Variants in TENM1 observed in about 807,000 individuals in gnomAD.
TENM1 encodes teneurin-1.
Under a neutral mutation model 174.8 loss-of-function variants are expected in TENM1, and 35 were observed. The observed-to-expected ratio is 0.20, with a 90% confidence interval of 0.15 to 0.27. The LOEUF is 0.27. Among genes scored for constraint, TENM1 ranks in the 10% least tolerant of loss-of-function variants. TENM1 has a pLI of 1.00. For synonymous variants in TENM1, 781 were observed against 798.7 expected, an observed-to-expected ratio of 0.98 and a Z score of 0.37; for missense variants, 1,633 against 2,130.1, an observed-to-expected ratio of 0.77 and a Z score of 4.59.
intron 3 of TENM1, among the ~76,000 whole-genome samples, chrX:124,766,630 C>A (rs151145176): frequency 0.025 from 2,785 of 111,154 alleles, 26 homozygotes; most frequent in Middle Eastern, 0.061. Context: ...TGGTTTCTGG[C>A]AATCCTTGAG....
the TENM1 span, among the ~76,000 whole-genome samples, chrX:125,066,978 C>T: frequency 4.5e-5 from 5 of 111,224 alleles, no homozygotes; most frequent in South Asian, 3.8e-4. Context: ...AGTGTAAGAT[C>T]GAGCAGAAAA....
rs182815035 is a variant in TENM1, at chrX:124,887,272, T to C, written c.535+7024A>G. Among the ~76,000 whole-genome samples, 629 of 111,106 alleles carry C rather than the reference T, an allele frequency of 5.7e-3. 5 individuals carry two copies. Among genetic ancestry groups the C allele is most frequent in the Non-Finnish European group, 8.8e-3 (465 of 52,919 alleles). Reference sequence around the variant, plus strand: ...ATATAAACAGAATCCTATGCAGTCATTAAAAATGACGAGGCAGATTTGTAC... The same window carrying C: ...ATATAAACAGAATCCTATGCAGTCACTAAAAATGACGAGGCAGATTTGTAC... On this transcript the variant is annotated intron_variant, in intron 3 of 31. Coordinates refer to ENST00000422452, the Ensembl canonical transcript of TENM1.
chrX:124,869,857 G>A (rs1022565911), intron 3 of TENM1, among the ~76,000 whole-genome samples: 1 of 109,605 alleles, frequency 9.1e-6, no homozygotes, highest in Non-Finnish European at 1.9e-5. Flanking sequence ...GGGGGAGGTG[G>A]GGGTGGTTAA....
At chrX:125,145,997 T>C in the TENM1 span, among the ~76,000 whole-genome samples, 1 of 111,791 alleles carries the variant, frequency 8.9e-6, no homozygotes, top group African/African-American at 3.3e-5. Flanking sequence ...TTTATACAAA[T>C]ACAAGGTCAG....
chrX:124,462,159 G>A (rs757419029), intron 22 of TENM1, among the ~76,000 whole-genome samples: 1 of 110,220 alleles, frequency 9.1e-6, no homozygotes, highest in East Asian at 2.8e-4. Flanking sequence ...AGTAATGGAT[G>A]CGACTTCTAG....
intron 25 of TENM1, among the ~76,000 whole-genome samples, chrX:124,416,914 C>G (rs971584343): frequency 2.7e-5 from 3 of 111,710 alleles, no homozygotes; most frequent in African/African-American, 6.5e-5. Context: ...TTCACTGTCC[C>G]CCTTCTGTCA....
chrX:124,546,897 A>T, exon 15 of TENM1: 1 of 1,209,212 alleles, frequency 8.3e-7, no homozygotes, highest in Non-Finnish European at 1.1e-6. Flanking sequence ...ACACCTCAGG[A>T]GGAATGACAT....
chrX:124,650,546 T>A (rs1355720082), intron 8 of TENM1, among the ~76,000 whole-genome samples: 1 of 111,496 alleles, frequency 9.0e-6, no homozygotes, highest in Non-Finnish European at 1.9e-5. Context: ...AATAGATCGG[T>A]TAGTGTTTTA....
At chrX:124,622,658 A>AT (rs910722123) in intron 11 of TENM1, among the ~76,000 whole-genome samples, 68 of 109,893 alleles carry the variant, frequency 6.2e-4, no homozygotes, top group Non-Finnish European at 1.2e-3. Flanking sequence ...TTACCTAATT[A>AT]TTTTTTTTTC....
intron 6 of TENM1, among the ~76,000 whole-genome samples, chrX:124,661,989 CA>C (rs1476350627): frequency 9.0e-6 from 1 of 111,211 alleles, no homozygotes; most frequent in Non-Finnish European, 1.9e-5. Flanking sequence ...TCTAAAATAC[CA>C]AAATGCCTCT....
intron 18 of TENM1, among the ~76,000 whole-genome samples, chrX:124,508,889 C>G (rs2047512927): frequency 1.8e-5 from 2 of 111,590 alleles, no homozygotes; most frequent in African/African-American, 6.5e-5. Flanking sequence ...AGGGATCACC[C>G]TGATCCTCTG....
At chrX:125,152,414 C>T in the TENM1 span, among the ~76,000 whole-genome samples, 641 of 111,363 alleles carry the variant, frequency 5.8e-3, 2 homozygotes, top group African/African-American at 0.02. Context: ...TGTCATAAAA[C>T]GAAAAGATAT....
chrX:124,490,276 G>A (rs1203685702), intron 20 of TENM1, among the ~76,000 whole-genome samples: 1 of 111,762 alleles, frequency 8.9e-6, no homozygotes, highest in East Asian at 2.8e-4. Context: ...GCTAATACAT[G>A]AGATCAAACT....
intron 11 of TENM1, among the ~76,000 whole-genome samples, chrX:124,587,795 C>A (rs2049582679): frequency 9.0e-6 from 1 of 111,360 alleles, no homozygotes; most frequent in African/African-American, 3.3e-5. Flanking sequence ...ACTCATCTGA[C>A]AAAGGGCTAA....
At chrX:125,055,021 C>T in the TENM1 span, among the ~76,000 whole-genome samples, 1 of 111,678 alleles carries the variant, frequency 9.0e-6, no homozygotes, top group Non-Finnish European at 1.9e-5. Flanking sequence ...TCATTTTCTT[C>T]TCCAATATCC....
chrX:124,787,680 G>A (rs987634800), intron 3 of TENM1, among the ~76,000 whole-genome samples: 3 of 111,777 alleles, frequency 2.7e-5, no homozygotes, highest in South Asian at 7.4e-4. Context: ...TCTAAGATTA[G>A]ACTAAAATAT....
the TENM1 span, among the ~76,000 whole-genome samples, chrX:125,166,983 A>G: frequency 8.9e-6 from 1 of 111,913 alleles, no homozygotes; most frequent in Non-Finnish European, 1.9e-5. Flanking sequence ...TACTATGTAA[A>G]ACCCGGATGC....
intron 22 of TENM1, among the ~76,000 whole-genome samples, chrX:124,457,944 C>G (rs191113119): frequency 1.8e-5 from 2 of 111,891 alleles, no homozygotes. Flanking sequence ...GCCCTAGCAA[C>G]AAGAAAACTG....
chrX:125,081,423 GT>G, the TENM1 span, among the ~76,000 whole-genome samples: 4 of 110,683 alleles, frequency 3.6e-5, no homozygotes, highest in South Asian at 1.5e-3. Flanking sequence ...TCCAAAATCT[GT>G]CTTTCAATTT....
Sources: gnomAD v4.1 joint callset for allele counts (sites outside exome capture counted in the v4.1 genomes callset) on GRCh38, gnomAD v4.1.1 for gene constraint, MANE v1.5 for transcripts, NCBI Gene and HGNC (gene_info 2026-07-23, HGNC 2026-07-21) for gene names.